Variants in PAM observed in about 807,000 individuals in gnomAD.
The protein encoded by PAM is peptidyl-glycine alpha-amidating monooxygenase.
A neutral mutation model predicts 122.1 loss-of-function variants in PAM; 72 were observed. The observed-to-expected ratio is 0.59, with a 90% CI of 0.49 to 0.72. The LOEUF is 0.72. Ranked by LOEUF, PAM falls within the 30% of genes least tolerant of loss-of-function variation. The pLI is 0.00. For synonymous variants in PAM, 389 were observed against 404.4 expected (o/e 0.96, Z 0.46); for missense variants, 1,106 against 1,183.7 (o/e 0.93, Z 0.96).
chr5:102,780,961 C>G (rs779905963), intron 1 of PAM, among the ~76,000 whole-genome samples: 4 of 151,550 alleles, frequency 2.6e-5, no homozygotes, highest in Admixed American at 6.6e-5. Context: ...GCTTCTACCC[C>G]CTGGATGTCA....
intron 4 of PAM, among the ~76,000 whole-genome samples, chr5:102,907,723 T>G (rs1470456349): frequency 2.0e-5 from 3 of 152,120 alleles, no homozygotes; most frequent in Admixed American, 6.6e-5. Context: ...TGATGGCCAG[T>G]GATGATGAGC....
chr5:102,883,979 A>G (rs1792158989), intron 3 of PAM, among the ~76,000 whole-genome samples: 1 of 151,494 alleles, frequency 6.6e-6, no homozygotes, highest in Admixed American at 6.6e-5. Flanking sequence ...TCATGTGTTA[A>G]TCTTGCCTCC....
At chr5:102,844,158 T>G (rs965890819) in intron 1 of PAM, among the ~76,000 whole-genome samples, 1 of 152,104 alleles carries the variant, frequency 6.6e-6, no homozygotes, top group Non-Finnish European at 1.5e-5. Flanking sequence ...TGCAACAACT[T>G]GGATGGATCT....
intron 1 of PAM, among the ~76,000 whole-genome samples, chr5:102,856,712 T>C (rs947311356): frequency 1.3e-4 from 20 of 152,088 alleles, no homozygotes; most frequent in African/African-American, 4.8e-4. Context: ...TAAAATAAAA[T>C]AAAATTTTTT....
chr5:102,835,271 G>A (rs1393086339), intron 1 of PAM, among the ~76,000 whole-genome samples: 1 of 151,994 alleles, frequency 6.6e-6, no homozygotes, highest in African/African-American at 2.4e-5. Context: ...TCTCTTTTCA[G>A]GATATTGACT....
In PAM at chr5:103,025,326, C is replaced by T. The variant is rs1478977284; in HGVS notation, c.2681C>T (p.Ala894Val). The change falls in exon 24 of 26, where the codon GCC becomes GTC. Residue 894 changes from alanine (A) to valine (V), a missense_variant. Around this residue, in one of 3 missense-constraint regions of PAM, gnomAD observed 333 missense variants for 335.6 expected, o/e 0.99. Coordinates refer to ENST00000438793, the MANE Select transcript of PAM (RefSeq NM_001177306.2). Reference sequence around the variant, plus strand: ...TTTATTCGGTGGAAAAAATCAAGGGCCTTTGGAGGCAAGTAAAATGAGCCC... The same window carrying T: ...TTTATTCGGTGGAAAAAATCAAGGGTCTTTGGAGGCAAGTAAAATGAGCCC... The part of the protein sequence containing the change: ...AIFIRWKKSR[A>V]FGDSEHKLET... The T allele has an allele frequency of 1.2e-6, 2 of 1,613,000 alleles. No individual in the cohort carries two copies. Among genetic ancestry groups the T allele is most frequent in the East Asian group, 4.5e-5 (2 of 44,890 alleles).
At chr5:102,938,748 T>G (rs1433886150) in intron 7 of PAM, among the ~76,000 whole-genome samples, 1 of 152,100 alleles carries the variant, frequency 6.6e-6, no homozygotes, top group South Asian at 2.1e-4. Context: ...AGAGGAGAAA[T>G]AAAGTCACTT....
At chr5:102,932,102 A>G (rs1042587677) in intron 7 of PAM, among the ~76,000 whole-genome samples, 1 of 152,202 alleles carries the variant, frequency 6.6e-6, no homozygotes, top group Admixed American at 6.5e-5. Context: ...CACTCAGAGG[A>G]TGATTGTTTT....
At chr5:102,936,505 A>G (rs904976189) in intron 7 of PAM, among the ~76,000 whole-genome samples, 2 of 152,140 alleles carry the variant, frequency 1.3e-5, no homozygotes, top group Non-Finnish European at 2.9e-5. Context: ...TTCACTAAAC[A>G]AATATTTTTG....
chr5:102,755,717 C>T (rs1363945251), intron 1 of PAM, among the ~76,000 whole-genome samples: 1 of 151,970 alleles, frequency 6.6e-6, no homozygotes, highest in Non-Finnish European at 1.5e-5. Context: ...GTTCATTCGC[C>T]TTTTCTGCCC....
chr5:102,947,489 A>G (rs116263296), intron 8 of PAM, among the ~76,000 whole-genome samples: 271 of 152,302 alleles, frequency 1.8e-3, no homozygotes, highest in Non-Finnish European at 3.2e-3. Flanking sequence ...ATGCAAAGGC[A>G]TAAGAATGAT....
At chr5:102,867,669 T>TAATA (rs922921093) in intron 3 of PAM, among the ~76,000 whole-genome samples, 1 of 152,224 alleles carries the variant, frequency 6.6e-6, no homozygotes, top group Non-Finnish European at 1.5e-5. Flanking sequence ...CTCTGTGGAG[T>TAATA]AATAGCCTCT....
chr5:103,007,666 T>A lies in PAM; in HGVS notation c.2215+9T>A. On this transcript the variant is annotated intron_variant, in intron 20 of 25. Transcript: ENST00000438793. ...AATTTCATATATACCAGGTATTTCA[T>A]CTTAATATGTTTGTTGTCTTCTGTC... 6.6e-7 allele frequency: 1 copy of A among 1,516,574 alleles called. No individual in the cohort carries two copies. Among genetic ancestry groups the A allele is most frequent in the Non-Finnish European group, 9.2e-7 (1 of 1,091,818 alleles). The allele number at this position is 1,516,574 out of a possible 1,614,324, so 93.9% of individuals were successfully genotyped here.
intron 23 of PAM, among the ~76,000 whole-genome samples, chr5:103,022,714 C>T (rs760918625): frequency 3.3e-5 from 5 of 152,096 alleles, no homozygotes; most frequent in Non-Finnish European, 7.4e-5. Flanking sequence ...AGTGTTCTGG[C>T]TAATCTTAGA....
At chr5:102,938,641 C>A (rs1754077925) in intron 7 of PAM, among the ~76,000 whole-genome samples, 1 of 152,014 alleles carries the variant, frequency 6.6e-6, no homozygotes, top group African/African-American at 2.4e-5. Flanking sequence ...ATTATTAACT[C>A]ATTTTTAAAA....
At chr5:102,934,638 G>A (rs772954630) in intron 7 of PAM, among the ~76,000 whole-genome samples, 3 of 152,142 alleles carry the variant, frequency 2.0e-5, no homozygotes, top group Non-Finnish European at 4.4e-5. Flanking sequence ...ATGCTTGGGG[G>A]CAGATGTGGT....
At chr5:102,867,126 A>G (rs938636039) in intron 2 of PAM, 147 bp from the exon 3 acceptor site, 14 of 481,678 alleles carry the variant, frequency 2.9e-5, no homozygotes, top group African/African-American at 2.3e-4. Flanking sequence ...TATGTTTACG[A>G]ACATTGTGTA....
At chr5:102,934,799 A>C (rs1732771476) in intron 7 of PAM, among the ~76,000 whole-genome samples, 1 of 152,226 alleles carries the variant, frequency 6.6e-6, no homozygotes, top group Non-Finnish European at 1.5e-5. Context: ...AAAGGAATAA[A>C]ACATAAATAT....
chr5:102,885,330 C>T (rs1430914922), intron 3 of PAM, among the ~76,000 whole-genome samples: 1 of 151,928 alleles, frequency 6.6e-6, no homozygotes, highest in Non-Finnish European at 1.5e-5. Context: ...GTTTATCTTA[C>T]CATTTCTACA....
Sources: allele counts gnomAD v4.1 joint callset (sites outside exome capture counted in the v4.1 genomes callset), GRCh38; gene constraint gnomAD v4.1.1; regional missense constraint gnomAD v4.1.1; transcripts MANE v1.5; gene names NCBI Gene and HGNC (gene_info 2026-07-23, HGNC 2026-07-21).